PHF13: variants seen among roughly 807,000 people sequenced by gnomAD.
PHF13 encodes PHD zinc finger protein PHF5.
PHF13 carries 1 observed loss-of-function variant against 25.8 expected under a neutral mutation model. The observed-to-expected ratio is 0.04, with a 90% CI of 0.01 to 0.18. The LOEUF (loss-of-function observed/expected upper bound fraction) is 0.18. Ranked by LOEUF, PHF13 falls within the 10% of genes least tolerant of loss-of-function variation. The pLI is 1.00. For synonymous variants in PHF13, 195 were observed against 162.4 expected (o/e 1.20, Z -1.53); for missense variants, 306 against 403.2 (o/e 0.76, Z 2.06).
intron 1 of PHF13, chr1:6,614,306 C>T (rs1641219518): frequency 1.1e-5 from 6 of 537,252 alleles, no homozygotes; most frequent in South Asian, 6.8e-5. Context: ...GCCTCCGCGT[C>T]CCCTCCGCGG....
intron 1 of PHF13, 25 bp downstream of exon 1, chr1:6,614,130 C>G (rs372391534): frequency 2.5e-6 from 4 of 1,595,544 alleles, no homozygotes; most frequent in African/African-American, 2.8e-5. Context: ...GCGTCCGAAT[C>G]GCCCCCGACC....
chr1:6,621,125 G>A lies in PHF13; in HGVS notation c.677-286G>A, dbSNP rs1024563742. Among the ~76,000 whole-genome samples, 1 of 151,894 alleles carries A rather than the reference G, an allele frequency of 6.6e-6. No individual in the cohort carries two copies. Among genetic ancestry groups the A allele is most frequent in the African/African-American group, 2.4e-5 (1 of 41,332 alleles). ...AGGTGGGAGGATGGCTTGACTGCAG[G>A]AGTTTGAGGCTGCAGTGAGGTATGA... On this transcript the variant is annotated intron_variant, in intron 3 of 3. Coordinates refer to ENST00000377648, the MANE Select transcript of PHF13 (RefSeq NM_153812.3). The surrounding 1 kb of genome is among the most constrained non-coding windows in gnomAD (Gnocchi z 4.8).
chr1:6,616,667 A>G (rs937902177), intron 1 of PHF13, 90 bp from the exon 2 acceptor site: 2 of 1,099,874 alleles, frequency 1.8e-6, no homozygotes, highest in African/African-American at 1.5e-5. Flanking sequence ...GTGATTGACT[A>G]CAAAAGTTCC....
In PHF13 at chr1:6,621,703, C is replaced by T; in HGVS notation, c.*66C>T. The stretch of plus-strand genomic sequence containing the variant: ...CGACCGCGGGCTTTTTTGCCCTTCT[C>T]TTAGTTGAGCACAGAACCCTCAGCT... On this transcript the variant is annotated 3_prime_UTR_variant, in exon 4 of 4. Transcript: ENST00000377648. This position sits in a 1 kb window ranked among gnomAD's most constrained non-coding sequence, Gnocchi z 4.8. The T allele has an allele frequency of 2.7e-6, 4 of 1,496,070 alleles. No homozygotes were observed. The highest frequency in any genetic ancestry group is 3.7e-6 in the Non-Finnish European group (4 of 1,083,214). The allele number at this position is 1,496,070 out of a possible 1,614,324, so 92.7% of individuals were successfully genotyped here. A position where few individuals can be genotyped will look rare whatever the true frequency, so the allele number is the denominator to read the frequency against.
At chr1:6,616,645 G>A in intron 1 of PHF13, 112 bp from the exon 2 acceptor site, 1 of 833,688 alleles carries the variant, frequency 1.2e-6, no homozygotes, top group South Asian at 1.4e-5. Flanking sequence ...TAAATCTAAC[G>A]GTATTTTTTG....
chr1:6,620,745 C>T (rs936307734), intron 3 of PHF13, among the ~76,000 whole-genome samples: 1 of 151,722 alleles, frequency 6.6e-6, no homozygotes, highest in East Asian at 1.9e-4. Context: ...AAAGGCTGGG[C>T]GCAGTGGCTC....
chr1:6,618,221 T>C (rs1242252208), intron 2 of PHF13, among the ~76,000 whole-genome samples: 2 of 152,068 alleles, frequency 1.3e-5, no homozygotes, highest in Non-Finnish European at 2.9e-5. Flanking sequence ...TGCAGCCTCT[T>C]TCTCCTGTGC....
intron 2 of PHF13, among the ~76,000 whole-genome samples, chr1:6,619,580 C>G (rs1229268265): frequency 1.3e-5 from 2 of 152,116 alleles, no homozygotes; most frequent in Admixed American, 1.3e-4. Flanking sequence ...CTCAGGTGAT[C>G]CGCCTGCCTT....
Position 6,613,906 on chromosome 1 carries a change from G to T in PHF13, c.-161G>T. ...CCGCCAGTCCGGGGTCACAGAGCTT[G>T]AGAAGCGACGCGCTGAGCCCCCCAT... On this transcript the variant is annotated 5_prime_UTR_variant, in exon 1 of 4. Transcript: ENST00000377648. 1 of 540,960 alleles carries T rather than the reference G, an allele frequency of 1.8e-6. No individual in the cohort carries two copies. The highest frequency in any genetic ancestry group is 2.3e-5 in the South Asian group (1 of 43,750). The allele number at this position is 540,960 out of a possible 1,614,324, so 33.5% of individuals were successfully genotyped here.
intron 1 of PHF13, among the ~76,000 whole-genome samples, chr1:6,616,489 C>G (rs1641263152): frequency 6.6e-6 from 1 of 152,218 alleles, no homozygotes; most frequent in Admixed American, 6.5e-5. Flanking sequence ...CACATGAGCA[C>G]TAAGAAATAG....
At chr1:6,616,550 TAA>T (rs1339317418) in intron 1 of PHF13, among the ~76,000 whole-genome samples, 1 of 152,224 alleles carries the variant, frequency 6.6e-6, no homozygotes, top group East Asian at 1.9e-4. Context: ...ATTCTTGGCA[TAA>T]AGTCTTAATA....
At position 6,622,783 on chromosome 1, in the gene PHF13, G is replaced by A. The variant is rs1641359627; in HGVS notation, c.*1146G>A. 6.6e-6 allele frequency: 1 copy of A among 152,162 alleles called. No homozygotes were observed. Among genetic ancestry groups the A allele is most frequent in the Non-Finnish European group, 1.5e-5 (1 of 68,064 alleles). The allele number at this position is 152,162 out of a possible 1,614,324, so 9.4% of individuals were successfully genotyped here. On this transcript the variant is annotated 3_prime_UTR_variant, in exon 4 of 4. Coordinates refer to ENST00000377648, the MANE Select transcript of PHF13 (RefSeq NM_153812.3). ...GTGCCGAGTTCCTTAAATCTCAGCT[G>A]GGATCCTGGACCTGGGAGGCCCCTG...
intron 1 of PHF13, chr1:6,614,757 G>T (rs1007303165): frequency 8.6e-6 from 1 of 115,932 alleles, no homozygotes; most frequent in South Asian, 3.1e-4. Context: ...CCCGCCCCCC[G>T]CCCGCGGGCT....
chr1:6,621,638 C>T lies in PHF13; in HGVS notation c.*1C>T, dbSNP rs1439972634. 3.1e-6 allele frequency: 5 copies of T among 1,613,992 alleles called. No homozygotes were observed. Among genetic ancestry groups the T allele is most frequent in the Non-Finnish European group, 4.2e-6 (5 of 1,179,958 alleles). ...CTCCCGGAAGCTGTTCCTGGACTGA[C>T]TGCTGGCTGGCGAGGAGGCTGCGAG... is the stretch of plus-strand genomic sequence containing the variant. On this transcript the variant is annotated 3_prime_UTR_variant, in exon 4 of 4. Transcript: ENST00000377648. The surrounding 1 kb of genome is among the most constrained non-coding windows in gnomAD (Gnocchi z 4.8).
Position 6,622,079 on chromosome 1 carries a change from G to C in PHF13, c.*442G>C, listed in dbSNP as rs1295681533. On this transcript the variant is annotated 3_prime_UTR_variant, in exon 4 of 4. Coordinates refer to ENST00000377648, the MANE Select transcript of PHF13 (RefSeq NM_153812.3). ...GTGTAAGCTTTTTCTTGAGTGTTAA[G>C]TCTTTTACCAAAAGTGTCTGTACAG... The C allele has an allele frequency of 4.4e-6, 1 of 229,638 alleles. No individual in the cohort carries two copies. The highest frequency in any genetic ancestry group is 2.2e-5 in the African/African-American group (1 of 45,022). 14.2% of individuals were successfully genotyped at this position (229,638 alleles called of 1,614,324 possible).
At position 6,623,262 on chromosome 1, in the gene PHF13, T is replaced by A. The variant is rs1386206554; in HGVS notation, c.*1625T>A. 1 of 152,500 alleles carries A rather than the reference T, an allele frequency of 6.6e-6. No homozygotes were observed. The highest frequency in any genetic ancestry group is 1.5e-5 in the Non-Finnish European group (1 of 68,042). 9.4% of individuals were successfully genotyped at this position (152,500 alleles called of 1,614,324 possible). On this transcript the variant is annotated 3_prime_UTR_variant, in exon 4 of 4. Coordinates refer to ENST00000377648, the MANE Select transcript of PHF13 (RefSeq NM_153812.3). ...CACTTGTCCAACCGTCTTATTTTTT[T>A]AAAAGTTCTGTTGCTTGTATTAACA...
At position 6,622,081 on chromosome 1, in the gene PHF13, CTT is replaced by C. The variant is rs1341473400; in HGVS notation, c.*447_*448del. 4.4e-6 allele frequency: 1 copy of C among 228,762 alleles called. No homozygotes were observed. Among genetic ancestry groups the C allele is most frequent in the African/African-American group, 2.2e-5 (1 of 45,012 alleles). 14.2% of individuals were successfully genotyped at this position (228,762 alleles called of 1,614,324 possible). On this transcript the variant is annotated 3_prime_UTR_variant, in exon 4 of 4. Coordinates refer to ENST00000377648, the MANE Select transcript of PHF13 (RefSeq NM_153812.3). ...GTAAGCTTTTTCTTGAGTGTTAAGTCTTTTACCAAAAGTGTCTGTACAGCAGC... is the reference window on the plus strand; with the variant it reads ...GTAAGCTTTTTCTTGAGTGTTAAGTCTTACCAAAAGTGTCTGTACAGCAGC...
chr1:6,617,277 G>T (rs1005772888), intron 2 of PHF13, among the ~76,000 whole-genome samples: 1 of 152,068 alleles, frequency 6.6e-6, no homozygotes, highest in Admixed American at 6.6e-5. Flanking sequence ...GTAGAGACAG[G>T]GTTTTACCTT....
chr1:6,614,133 C>T (rs755948327), intron 1 of PHF13, 28 bp downstream of exon 1: 2 of 1,594,908 alleles, frequency 1.3e-6, no homozygotes, highest in Admixed American at 3.4e-5. Flanking sequence ...TCCGAATCGC[C>T]CCCGACCACC....
Sources: allele counts gnomAD v4.1 joint callset (sites outside exome capture counted in the v4.1 genomes callset), GRCh38; gene constraint gnomAD v4.1.1; non-coding constraint Gnocchi (gnomAD v3.1); transcripts MANE v1.5; gene names NCBI Gene and HGNC (gene_info 2026-07-23, HGNC 2026-07-21).